Variants in NECTIN3 observed in about 807,000 individuals in gnomAD.
NECTIN3 encodes nectin-3.
Under a neutral mutation model 49.4 loss-of-function variants are expected in NECTIN3, and 8 were observed. That is an observed-to-expected ratio of 0.16 (90% confidence interval 0.10 to 0.29). NECTIN3 has a LOEUF of 0.29. Ranked by LOEUF, NECTIN3 falls within the 10% of genes least tolerant of loss-of-function variation. The pLI is 1.00. For synonymous variants in NECTIN3, 277 were observed against 241.1 expected, an observed-to-expected ratio of 1.15 and a Z score of -1.38; for missense variants, 581 against 654.6, an observed-to-expected ratio of 0.89 and a Z score of 1.23.
chr3:111,102,965 G>C (rs2032989483), intron 1 of NECTIN3, among the ~76,000 whole-genome samples: 1 of 152,132 alleles, frequency 6.6e-6, no homozygotes, highest in Admixed American at 6.5e-5. Flanking sequence ...TATAGTTAAA[G>C]ACTATATGAG....
At chr3:111,169,538 T>G (rs573403588) in intron 7 of NECTIN3, among the ~76,000 whole-genome samples, 1 of 152,240 alleles carries the variant, frequency 6.6e-6, no homozygotes, top group African/African-American at 2.4e-5. Context: ...AAATGCACTG[T>G]CATAGAAAAT....
chr3:111,152,776 GTT>G (rs1438274740), intron 7 of NECTIN3, among the ~76,000 whole-genome samples: 1 of 151,862 alleles, frequency 6.6e-6, no homozygotes, highest in Non-Finnish European at 1.5e-5. Flanking sequence ...AAACTTTGTG[GTT>G]TTAAGGATAT....
intron 7 of NECTIN3, among the ~76,000 whole-genome samples, chr3:111,185,397 A>C (rs1037382415): frequency 6.6e-6 from 1 of 152,210 alleles, no homozygotes; most frequent in African/African-American, 2.4e-5. Flanking sequence ...TATACAACAC[A>C]GTTGTTCAGT....
chr3:111,172,408 A>G, intron 7 of NECTIN3, among the ~76,000 whole-genome samples: 1 of 152,188 alleles, frequency 6.6e-6, no homozygotes, highest in East Asian at 1.9e-4. Flanking sequence ...AAATAAAAAT[A>G]ATATCATTTC....
intron 1 of NECTIN3, chr3:111,193,176 T>C (rs2107540308): frequency 6.6e-7 from 1 of 1,524,488 alleles, no homozygotes; most frequent in Non-Finnish European, 8.8e-7. Context: ...GCTCTGCTAA[T>C]GTAAGCAATG....
intron 3 of NECTIN3, among the ~76,000 whole-genome samples, chr3:111,120,582 A>G (rs561513713): frequency 5.2e-4 from 79 of 152,240 alleles, no homozygotes; most frequent in African/African-American, 1.8e-3. Context: ...CTGAGATAAT[A>G]GTACCTTATC....
chr3:111,143,768 G>A (rs917499181), intron 5 of NECTIN3, among the ~76,000 whole-genome samples: 6 of 152,052 alleles, frequency 3.9e-5, no homozygotes, highest in East Asian at 1.9e-4. Context: ...CCAACAAGGG[G>A]TAATAGTGGA....
chr3:111,093,972 T>G (rs1344163935), intron 1 of NECTIN3, among the ~76,000 whole-genome samples: 1 of 152,210 alleles, frequency 6.6e-6, no homozygotes, highest in African/African-American at 2.4e-5. Flanking sequence ...GATGCTGATC[T>G]ACTGCTTTAG....
At chr3:111,140,388 G>C (rs2034712656), downstream of NECTIN3, among the ~76,000 whole-genome samples, 2 of 151,376 alleles carry the variant, frequency 1.3e-5, no homozygotes, top group South Asian at 4.2e-4. Flanking sequence ...GTTATATCTG[G>C]TTAGATTGCC....
intron 1 of NECTIN3, 163 bp downstream of exon 1, chr3:111,072,340 G>A: frequency 6.9e-7 from 1 of 1,440,438 alleles, no homozygotes; most frequent in Non-Finnish European, 9.0e-7. Context: ...CCCGGGGCGA[G>A]GCCCTGGAAG....
intron 7 of NECTIN3, among the ~76,000 whole-genome samples, chr3:111,167,632 A>T (rs1280466705): frequency 6.6e-6 from 1 of 152,182 alleles, no homozygotes; most frequent in Non-Finnish European, 1.5e-5. Flanking sequence ...TCTGTGAGTT[A>T]TGGGAAATAA....
intron 1 of NECTIN3, among the ~76,000 whole-genome samples, chr3:111,098,268 A>G (rs576511111): frequency 1.8e-4 from 28 of 152,222 alleles, no homozygotes; most frequent in Middle Eastern, 3.4e-3. Flanking sequence ...ATTTAGTGCA[A>G]TACTCTCTTA....
intron 1 of NECTIN3, chr3:111,072,397 C>T (rs1371612226): frequency 1.3e-6 from 2 of 1,514,704 alleles, no homozygotes; most frequent in Non-Finnish European, 1.8e-6. Context: ...CCCTCCCCCG[C>T]GGCCGCGCGG....
At chr3:111,168,279 G>A (rs910892718) in intron 7 of NECTIN3, among the ~76,000 whole-genome samples, 4 of 152,056 alleles carry the variant, frequency 2.6e-5, no homozygotes, top group African/African-American at 9.7e-5. Flanking sequence ...ATTTGAAGTA[G>A]GTTTTTAAAA....
intron 6 of NECTIN3, among the ~76,000 whole-genome samples, chr3:111,146,880 G>A (rs150149951): frequency 1.6e-3 from 240 of 152,222 alleles, no homozygotes; most frequent in African/African-American, 5.3e-3. Flanking sequence ...AAATAAATGT[G>A]TTCCCTAAAA....
intron 1 of NECTIN3, among the ~76,000 whole-genome samples, chr3:111,077,032 A>G: frequency 6.6e-6 from 1 of 151,880 alleles, no homozygotes; most frequent in Non-Finnish European, 1.5e-5. Context: ...GTTTTTTTCT[A>G]AAAGAGTTAC....
At chr3:111,094,198 G>C (rs1350615255) in intron 1 of NECTIN3, among the ~76,000 whole-genome samples, 1 of 151,576 alleles carries the variant, frequency 6.6e-6, no homozygotes, top group Non-Finnish European at 1.5e-5. Flanking sequence ...AAAAAAAACT[G>C]TGACAATACT....
At chr3:111,095,637 T>A (rs2107405429) in intron 1 of NECTIN3, among the ~76,000 whole-genome samples, 1 of 152,312 alleles carries the variant, frequency 6.6e-6, no homozygotes, top group East Asian at 1.9e-4. Flanking sequence ...AATTCCCATG[T>A]GTTGTGGGAG....
chr3:111,192,245 A>G, upstream of NECTIN3: 1 of 1,007,956 alleles, frequency 9.9e-7, no homozygotes, highest in Non-Finnish European at 1.4e-6. Context: ...TAGTTGGTAG[A>G]CATTTATAAC....
Sources: gnomAD v4.1 joint callset for allele counts (sites outside exome capture counted in the v4.1 genomes callset) on GRCh38, gnomAD v4.1.1 for gene constraint, MANE v1.5 for transcripts, NCBI Gene and HGNC (gene_info 2026-07-23, HGNC 2026-07-21) for gene names.